The following CSMD1 variants were observed in gnomAD, a reference collection of about 807,000 sequenced individuals.
CSMD1 encodes CUB and sushi domain-containing protein 1.
In CSMD1, 213 loss-of-function variants were observed where a neutral mutation model predicts 417.5. The ratio of observed to expected loss-of-function variants is 0.51; its 90% confidence interval spans 0.46 to 0.57. The LOEUF is 0.57. Ranked by LOEUF, CSMD1 falls within the 20% of genes least tolerant of loss-of-function variation. The pLI is 0.00. For missense variants in CSMD1, 6,923 were observed against 4,529.7 expected (o/e 1.53, Z -15.17); for synonymous variants, 2,862 against 1,736.8 (o/e 1.65, Z -16.11).
chr8:4,056,671 G>A (rs185549853), intron 3 of CSMD1, among the ~76,000 whole-genome samples: 204 of 151,984 alleles, frequency 1.3e-3, no homozygotes, highest in Admixed American at 2.0e-3. Flanking sequence ...ATCTCCTCAT[G>A]CTATCCCTCC....
chr8:3,031,019 G>A (rs1461915067), intron 50 of CSMD1, among the ~76,000 whole-genome samples: 2 of 151,816 alleles, frequency 1.3e-5, no homozygotes, highest in African/African-American at 4.8e-5. Context: ...TTTTTAGGTT[G>A]AAGGAATTAT....
chr8:3,537,956 C>A (rs1223631693), intron 10 of CSMD1, among the ~76,000 whole-genome samples: 1 of 152,150 alleles, frequency 6.6e-6, no homozygotes, highest in African/African-American at 2.4e-5. Flanking sequence ...TGTTTATTCA[C>A]TCAGGGTATC....
chr8:3,978,677 C>T (rs974111784), intron 5 of CSMD1, among the ~76,000 whole-genome samples: 1 of 152,120 alleles, frequency 6.6e-6, no homozygotes, highest in African/African-American at 2.4e-5. Context: ...ATTACTCCTG[C>T]CCAACCCGGC....
chr8:4,281,569 T>C (rs1450133204), intron 3 of CSMD1, among the ~76,000 whole-genome samples: 1 of 152,210 alleles, frequency 6.6e-6, no homozygotes, highest in Middle Eastern at 3.2e-3. Flanking sequence ...ATGAGACTGT[T>C]CTTTTTCTGT....
At chr8:4,788,546 T>C (rs940773714) in intron 1 of CSMD1, 2 of 1,397,154 alleles carry the variant, frequency 1.4e-6, no homozygotes, top group Non-Finnish European at 2.0e-6. Context: ...ATGTATTTCC[T>C]TGAAGCAGGC....
chr8:3,951,453 G>A (rs1230711708), intron 5 of CSMD1, among the ~76,000 whole-genome samples: 1 of 152,206 alleles, frequency 6.6e-6, no homozygotes, highest in Non-Finnish European at 1.5e-5. Context: ...GTAGAGTGCT[G>A]TATTTTCCTC....
At chr8:3,309,365 C>T (rs556310026) in intron 23 of CSMD1, among the ~76,000 whole-genome samples, 1 of 149,266 alleles carries the variant, frequency 6.7e-6, no homozygotes, top group Non-Finnish European at 1.5e-5. Context: ...CGACCACACT[C>T]CTGATGGTGC....
At chr8:4,376,568 T>A (rs1563109641) in intron 3 of CSMD1, among the ~76,000 whole-genome samples, 4 of 152,204 alleles carry the variant, frequency 2.6e-5, no homozygotes, top group Non-Finnish European at 5.9e-5. Flanking sequence ...TTTGCCTGTT[T>A]GTTGTTGTTA....
At chr8:3,422,426 T>G (rs961070475) in intron 12 of CSMD1, among the ~76,000 whole-genome samples, 5 of 152,184 alleles carry the variant, frequency 3.3e-5, no homozygotes, top group Non-Finnish European at 5.9e-5. Flanking sequence ...TTTCCCAAAA[T>G]GCCTATTGAA....
At chr8:3,627,711 T>C (rs1334112535) in intron 7 of CSMD1, among the ~76,000 whole-genome samples, 1 of 152,220 alleles carries the variant, frequency 6.6e-6, no homozygotes, top group Admixed American at 6.5e-5. Flanking sequence ...TATTACATAA[T>C]TTAAGTGTCA....
At chr8:3,792,934 A>T (rs2720779) in intron 5 of CSMD1, among the ~76,000 whole-genome samples, 4 of 152,190 alleles carry the variant, frequency 2.6e-5, no homozygotes. Context: ...TTCCTTTGGT[A>T]TTTTCAGATG....
intron 23 of CSMD1, among the ~76,000 whole-genome samples, chr8:3,338,538 G>T (rs538862733): frequency 6.6e-6 from 1 of 152,176 alleles, no homozygotes; most frequent in African/African-American, 2.4e-5. Context: ...TGAAGAGAAA[G>T]AATTGTGAAT....
At chr8:4,163,517 G>C (rs924863299) in intron 3 of CSMD1, among the ~76,000 whole-genome samples, 1 of 152,050 alleles carries the variant, frequency 6.6e-6, no homozygotes, top group Admixed American at 6.6e-5. Flanking sequence ...ACATTGTTTT[G>C]TGAAATATTT....
At chr8:3,522,012 C>T (rs1189343309) in intron 10 of CSMD1, among the ~76,000 whole-genome samples, 1 of 152,180 alleles carries the variant, frequency 6.6e-6, no homozygotes, top group Non-Finnish European at 1.5e-5. Flanking sequence ...TTTGCATTAT[C>T]TTTCATCTCA....
rs1399087355 is a variant in CSMD1 at position 3,340,184 on chromosome 8, G to A, written c.3631+3110C>T. ...CAGTTAGAAGGCCTGGATTTGGGTT[G>A]CAATTACACCACTCCCTGTGTGCAG... is the stretch of plus-strand genomic sequence containing the variant. On this transcript the variant is annotated intron_variant, in intron 23 of 69. Coordinates refer to ENST00000635120, the MANE Select transcript of CSMD1 (RefSeq NM_033225.6). Among the ~76,000 whole-genome samples the A allele has an allele frequency of 2.6e-5, 4 of 152,234 alleles. No homozygotes were observed. In the East Asian group the frequency reaches 5.8e-4, roughly 22 times the overall value.
chr8:3,732,545 T>G (rs1391596218), intron 6 of CSMD1, among the ~76,000 whole-genome samples: 1 of 152,210 alleles, frequency 6.6e-6, no homozygotes, highest in African/African-American at 2.4e-5. Flanking sequence ...AATTTCTTAG[T>G]ACATTCTACT....
At chr8:3,498,921 T>A (rs1796477230) in intron 10 of CSMD1, among the ~76,000 whole-genome samples, 1 of 152,218 alleles carries the variant, frequency 6.6e-6, no homozygotes. Flanking sequence ...AATTGTCTAT[T>A]TTTATTCTAC....
intron 12 of CSMD1, among the ~76,000 whole-genome samples, chr8:3,460,789 G>C (rs1012686681): frequency 6.6e-6 from 1 of 152,164 alleles, no homozygotes; most frequent in African/African-American, 2.4e-5. Flanking sequence ...ATTTTCCCCG[G>C]CTGCTAGACA....
At chr8:4,983,896 G>A (rs1387820499) in intron 1 of CSMD1, among the ~76,000 whole-genome samples, 1 of 152,068 alleles carries the variant, frequency 6.6e-6, no homozygotes, top group African/African-American at 2.4e-5. Flanking sequence ...TGGAAACAAA[G>A]CTCAAAGTTA....
Sources: allele counts gnomAD v4.1 joint callset (sites outside exome capture counted in the v4.1 genomes callset), GRCh38; gene constraint gnomAD v4.1.1; transcripts MANE v1.5; gene names NCBI Gene and HGNC (gene_info 2026-07-23, HGNC 2026-07-21).